Variants in CCSER2 observed in about 807,000 individuals in gnomAD.
The protein encoded by CCSER2 is coiled-coil serine rich protein 2.
In CCSER2, 46 loss-of-function variants were observed where a neutral mutation model predicts 92.3. That is an observed-to-expected ratio of 0.50 (90% CI 0.39 to 0.64). CCSER2 has a LOEUF of 0.64. CCSER2 is among the 30% of genes least tolerant of loss of function. The pLI is 0.00. For missense variants in CCSER2, 1,244 were observed against 1,238.9 expected (o/e 1.00, Z -0.06); for synonymous variants, 433 against 431.4 (o/e 1.00, Z -0.04).
At chr10:84,457,209 T>TATATATTATATATTATATATAA (rs1334698550) in intron 6 of CCSER2, among the ~76,000 whole-genome samples, 1 of 110,824 alleles carries the variant, frequency 9.0e-6, no homozygotes, top group African/African-American at 3.4e-5. Flanking sequence ...TTCTTTTATA[T>TATATATTATATATTATATATAA]ATATATTACA....
At chr10:84,388,844 A>G (rs1178271405) in intron 3 of CCSER2, among the ~76,000 whole-genome samples, 3 of 152,188 alleles carry the variant, frequency 2.0e-5, no homozygotes, top group African/African-American at 7.2e-5. Context: ...GTGATCTGAC[A>G]GGAGGCAGAG....
In CCSER2 at chr10:84,444,412, A is replaced by C. The variant is rs547194067; in HGVS notation, c.2064+5705A>C. ...TTCAAATTTTAGGCTAAAGTCGTTA[A>C]ATTTATTTGGACATTCTTCTAGGTT... On this transcript the variant is annotated intron_variant, in intron 6 of 9. Coordinates refer to ENST00000372088, the MANE Select transcript of CCSER2 (RefSeq NM_001284240.2). Among the ~76,000 whole-genome samples the C allele has an allele frequency of 3.5e-4, 53 of 152,322 alleles. 1 individual carries two copies. The South Asian group carries it at 0.011, about 32-fold the overall frequency.
At chr10:84,509,402 A>G (rs1349916488) in intron 9 of CCSER2, among the ~76,000 whole-genome samples, 3 of 152,226 alleles carry the variant, frequency 2.0e-5, no homozygotes. Context: ...AGCATGGTAC[A>G]TGCCTGAAAG....
At chr10:84,392,320 A>T (rs1309845701) in intron 3 of CCSER2, among the ~76,000 whole-genome samples, 10 of 149,902 alleles carry the variant, frequency 6.7e-5, no homozygotes, top group African/African-American at 2.4e-4. Context: ...AAGAAGCAAA[A>T]AAAAAAAAAA....
intron 6 of CCSER2, among the ~76,000 whole-genome samples, chr10:84,460,274 T>TTTTC (rs1846028363): frequency 6.8e-6 from 1 of 147,216 alleles, no homozygotes; most frequent in Non-Finnish European, 1.5e-5. Context: ...TTTTTTTTTT[T>TTTTC]CATATTTTTA....
At chr10:84,446,576 C>G (rs1311429562) in intron 6 of CCSER2, among the ~76,000 whole-genome samples, 1 of 152,008 alleles carries the variant, frequency 6.6e-6, no homozygotes, top group Non-Finnish European at 1.5e-5. Context: ...CCATATTTCT[C>G]TCATCACTCC....
At chr10:84,338,341 C>A (rs1215916504) in intron 1 of CCSER2, among the ~76,000 whole-genome samples, 1 of 150,486 alleles carries the variant, frequency 6.6e-6, no homozygotes, top group Non-Finnish European at 1.5e-5. Flanking sequence ...ACCAAAAAAA[C>A]CCCAACAAAA....
At chr10:84,342,285 T>C (rs1352911857) in intron 1 of CCSER2, among the ~76,000 whole-genome samples, 1 of 152,188 alleles carries the variant, frequency 6.6e-6, no homozygotes, top group African/African-American at 2.4e-5. Flanking sequence ...GGATATGATA[T>C]CATATCACAG....
At chr10:84,463,511 A>G (rs1213402447) in intron 6 of CCSER2, among the ~76,000 whole-genome samples, 1 of 152,168 alleles carries the variant, frequency 6.6e-6, no homozygotes, top group Admixed American at 6.5e-5. Flanking sequence ...TTTTGCTGCT[A>G]AGCCTTACTG....
At chr10:84,387,597 C>T (rs1363495368) in intron 3 of CCSER2, among the ~76,000 whole-genome samples, 1 of 151,846 alleles carries the variant, frequency 6.6e-6, no homozygotes, top group Non-Finnish European at 1.5e-5. Flanking sequence ...GGTGCAATCT[C>T]AGCTCACTGT....
At position 84,513,665 on chromosome 10, in the gene CCSER2, A is replaced by G. The variant is rs1250738093; in HGVS notation, c.2542A>G (p.Thr848Ala). Residue 848 changes from threonine to alanine, a missense_variant, in exon 10 of 10, where the codon ACA becomes GCA. Physicochemically the swap from Thr to Ala is moderately conservative, Grantham distance 58. Coordinates refer to ENST00000372088, the MANE Select transcript of CCSER2 (RefSeq NM_001284240.2). ...GCCTTTTTCATCAGGCCCACAATTA[A>G]CAATGGATGTGGCTAAGAGTACACC... is the stretch of plus-strand genomic sequence containing the variant. ...EQPFSSGPQLTMDVAKSTPSE... is the reference protein window; with the variant it reads ...EQPFSSGPQLAMDVAKSTPSE... 8.3e-6 allele frequency: 13 copies of G among 1,566,010 alleles called. No individual in the cohort carries two copies. Among genetic ancestry groups the G allele is most frequent in the Non-Finnish European group, 1.1e-5 (13 of 1,158,782 alleles).
chr10:84,496,429 GCGCC>G (rs1251639953), intron 9 of CCSER2, among the ~76,000 whole-genome samples: 2 of 152,184 alleles, frequency 1.3e-5, no homozygotes, highest in African/African-American at 4.8e-5. Flanking sequence ...GGGACTACAG[GCGCC>G]CGCCACCACG....
intron 6 of CCSER2, among the ~76,000 whole-genome samples, chr10:84,457,336 T>A (rs11595770): frequency 0.22 from 12,008 of 54,346 alleles, 1,142 homozygotes; most frequent in East Asian, 0.39. Flanking sequence ...TATAATATAT[T>A]ATATATTATA....
In CCSER2 at chr10:84,372,151, C is replaced by T. The variant is rs764830182; in HGVS notation, c.1099C>T (p.Leu367=). 2.0e-4 allele frequency: 318 copies of T among 1,613,430 alleles called. 1 individual carries two copies. Among genetic ancestry groups the T allele is most frequent in the Middle Eastern group, 1.6e-4 (1 of 6,082 alleles). ...KDRAANKDQE[L]IENESYRTKN... is the part of the protein sequence containing the mutation. Reference sequence around the variant, plus strand: ...CAGAGCTGCTAATAAGGACCAAGAACTGATTGAAAATGAAAGTTATAGAAC... The same window carrying T: ...CAGAGCTGCTAATAAGGACCAAGAATTGATTGAAAATGAAAGTTATAGAAC... The change falls in exon 2 of 10, where the codon CTG becomes TTG. Residue 367 remains leucine, a synonymous_variant. Transcript: ENST00000372088.
Position 84,459,038 on chromosome 10 carries a change from C to T in CCSER2, c.2065-4895C>T, listed in dbSNP as rs1020903721. Reference sequence around the variant, plus strand: ...TTTGTTTTTGTCTTTGAGACGTTCTCGCTGTGTTGCCCAGACTGGAATGCA... The same window carrying T: ...TTTGTTTTTGTCTTTGAGACGTTCTTGCTGTGTTGCCCAGACTGGAATGCA... On this transcript the variant is annotated intron_variant, in intron 6 of 9. Transcript: ENST00000372088. Among the ~76,000 whole-genome samples, 9 of 152,214 alleles carry T rather than the reference C, an allele frequency of 5.9e-5. No homozygotes were observed. In the South Asian group the frequency reaches 8.3e-4, roughly 14 times the overall value.
chr10:84,413,763 A>G (rs554764046), intron 3 of CCSER2, among the ~76,000 whole-genome samples: 31 of 152,256 alleles, frequency 2.0e-4, no homozygotes, highest in Admixed American at 2.0e-3. Context: ...TCCCACTATT[A>G]TTGTGTGGGA....
intron 9 of CCSER2, among the ~76,000 whole-genome samples, chr10:84,509,949 G>C (rs1311134567): frequency 6.6e-6 from 1 of 152,082 alleles, no homozygotes; most frequent in Non-Finnish European, 1.5e-5. Context: ...CTTGTGATAT[G>C]GTTTTTCTGA....
chr10:84,461,205 C>G (rs1395813408), intron 6 of CCSER2, among the ~76,000 whole-genome samples: 2 of 152,048 alleles, frequency 1.3e-5, no homozygotes, highest in South Asian at 2.1e-4. Flanking sequence ...AGAAGGTTGT[C>G]TACTTTTCAA....
intron 9 of CCSER2, among the ~76,000 whole-genome samples, chr10:84,488,088 GC>G (rs781282870): frequency 1.3e-5 from 2 of 152,160 alleles, no homozygotes. Flanking sequence ...CAGGGATGAA[GC>G]CCACTTGATC....
Sources: gnomAD v4.1 joint callset for allele counts (sites outside exome capture counted in the v4.1 genomes callset) on GRCh38, gnomAD v4.1.1 for gene constraint, MANE v1.5 for transcripts, NCBI Gene and HGNC (gene_info 2026-07-23, HGNC 2026-07-21) for gene names.